Variants in ROBO1 observed in about 807,000 individuals in gnomAD.
ROBO1 encodes roundabout homolog 1.
Under a neutral mutation model 195.9 loss-of-function variants are expected in ROBO1, and 149 were observed. That is an observed-to-expected ratio of 0.76 (90% CI 0.67 to 0.87). The LOEUF is 0.87. Among genes scored for constraint, ROBO1 ranks in the 40% least tolerant of loss-of-function variants. ROBO1 has a pLI of 0.00. For missense variants in ROBO1, 1,933 were observed against 2,068.3 expected (o/e 0.93, Z 1.27); for synonymous variants, 816 against 733.2 (o/e 1.11, Z -1.82).
At chr3:79,327,010 A>G (rs1389190264) in intron 2 of ROBO1, among the ~76,000 whole-genome samples, 2 of 152,196 alleles carry the variant, frequency 1.3e-5, no homozygotes, top group African/African-American at 4.8e-5. Flanking sequence ...TCCTCAGTAA[A>G]AAGGTACGTT....
At chr3:79,747,935 T>A (rs1015540521) in intron 1 of ROBO1, among the ~76,000 whole-genome samples, 1 of 152,080 alleles carries the variant, frequency 6.6e-6, no homozygotes, top group Non-Finnish European at 1.5e-5. Context: ...TGACTAAATA[T>A]ATGAATACAT....
At chr3:79,518,378 G>A (rs2107567398) in intron 2 of ROBO1, among the ~76,000 whole-genome samples, 1 of 152,170 alleles carries the variant, frequency 6.6e-6, no homozygotes, top group Admixed American at 6.5e-5. Flanking sequence ...AGGAAATAGA[G>A]ATGCAATGGC....
intron 2 of ROBO1, among the ~76,000 whole-genome samples, chr3:79,278,748 A>T (rs1374664288): frequency 6.6e-6 from 1 of 152,158 alleles, no homozygotes; most frequent in African/African-American, 2.4e-5. Flanking sequence ...AGAAGAAAAC[A>T]TACGGGAAAT....
At chr3:79,060,536 C>G (rs944960946) in intron 3 of ROBO1, among the ~76,000 whole-genome samples, 1 of 151,780 alleles carries the variant, frequency 6.6e-6, no homozygotes, top group Non-Finnish European at 1.5e-5. Flanking sequence ...TCAGACTGGT[C>G]GACACTTAGG....
At chr3:78,615,589 A>G (rs568963220) in intron 27 of ROBO1, among the ~76,000 whole-genome samples, 5 of 152,192 alleles carry the variant, frequency 3.3e-5, no homozygotes, top group Non-Finnish European at 7.3e-5. Context: ...CACCTACAAC[A>G]TATTTAATCC....
intron 4 of ROBO1, among the ~76,000 whole-genome samples, chr3:78,927,404 A>G (rs2039281924): frequency 6.6e-6 from 1 of 152,172 alleles, no homozygotes; most frequent in African/African-American, 2.4e-5. Flanking sequence ...CAAAATGTCT[A>G]CCCAAAACAT....
At chr3:79,444,754 T>C (rs1170014690) in intron 2 of ROBO1, among the ~76,000 whole-genome samples, 1 of 152,102 alleles carries the variant, frequency 6.6e-6, no homozygotes, top group Non-Finnish European at 1.5e-5. Context: ...TGTAGTATTT[T>C]CAGTTGGCAA....
intron 22 of ROBO1, among the ~76,000 whole-genome samples, chr3:78,637,801 C>T (rs73850742): frequency 1.6e-4 from 25 of 152,244 alleles, no homozygotes; most frequent in Non-Finnish European, 2.6e-4. Context: ...ACTCAGGATT[C>T]GCTTTAAGGG....
chr3:78,778,139 T>C (rs143920689), intron 4 of ROBO1, among the ~76,000 whole-genome samples: 2 of 152,340 alleles, frequency 1.3e-5, no homozygotes, highest in South Asian at 2.1e-4. Flanking sequence ...ATTATATTTA[T>C]TGATTTGTGT....
chr3:78,652,798 G>T (rs1021001816), intron 18 of ROBO1, among the ~76,000 whole-genome samples: 9 of 151,416 alleles, frequency 5.9e-5, no homozygotes, highest in African/African-American at 2.2e-4. Flanking sequence ...AATTAACTTA[G>T]TTTACATTTA....
At chr3:79,267,466 T>C (rs1197217401) in intron 2 of ROBO1, among the ~76,000 whole-genome samples, 1 of 151,454 alleles carries the variant, frequency 6.6e-6, no homozygotes, top group Non-Finnish European at 1.5e-5. Context: ...ACTCCCTCCA[T>C]TAGTCTATGT....
At chr3:79,679,580 T>G (rs6548648) in intron 1 of ROBO1, among the ~76,000 whole-genome samples, 91,583 of 151,764 alleles carry the variant, frequency 0.6, 27,859 homozygotes, top group South Asian at 0.69. Flanking sequence ...TCTCTTCTGT[T>G]TGTTAATTTA....
chr3:78,913,403 AG>A (rs2038367068), intron 4 of ROBO1, among the ~76,000 whole-genome samples: 1 of 152,132 alleles, frequency 6.6e-6, no homozygotes, highest in South Asian at 2.1e-4. Context: ...TCTTTTGCTT[AG>A]TTTTCAATTT....
At chr3:78,802,487 A>C (rs1455521060) in intron 4 of ROBO1, among the ~76,000 whole-genome samples, 2 of 152,296 alleles carry the variant, frequency 1.3e-5, no homozygotes, top group Non-Finnish European at 2.9e-5. Flanking sequence ...AGTTGAAGCA[A>C]GAATACTCCA....
intron 2 of ROBO1, among the ~76,000 whole-genome samples, chr3:79,376,486 A>G (rs1396213690): frequency 6.6e-6 from 1 of 152,140 alleles, no homozygotes; most frequent in Non-Finnish European, 1.5e-5. Flanking sequence ...CGCAATTCCC[A>G]TGTGTTGTGG....
At chr3:78,992,877 G>A (rs1485180145) in intron 3 of ROBO1, among the ~76,000 whole-genome samples, 1 of 152,158 alleles carries the variant, frequency 6.6e-6, no homozygotes, top group African/African-American at 2.4e-5. Context: ...AAGCTCTGAG[G>A]TGGATCAGAT....
chr3:78,779,002 G>A (rs562798898), intron 4 of ROBO1, among the ~76,000 whole-genome samples: 1 of 152,212 alleles, frequency 6.6e-6, no homozygotes, highest in South Asian at 2.1e-4. Context: ...ACAAGCAATG[G>A]GGAAAGGATT....
At chr3:79,572,368 T>C (rs1246711160) in intron 2 of ROBO1, among the ~76,000 whole-genome samples, 1 of 152,066 alleles carries the variant, frequency 6.6e-6, no homozygotes, top group Non-Finnish European at 1.5e-5. Flanking sequence ...TAGTTATAAA[T>C]AATAAACTGA....
intron 4 of ROBO1, among the ~76,000 whole-genome samples, chr3:78,756,503 A>G (rs1415217734): frequency 6.6e-6 from 1 of 152,208 alleles, no homozygotes; most frequent in Non-Finnish European, 1.5e-5. Flanking sequence ...CAAAAATCTT[A>G]TGGATTTTGT....
Sources: allele counts gnomAD v4.1 joint callset (sites outside exome capture counted in the v4.1 genomes callset), GRCh38; gene constraint gnomAD v4.1.1; transcripts MANE v1.5; gene names NCBI Gene and HGNC (gene_info 2026-07-23, HGNC 2026-07-21).